The following CRIM1 variants were observed in gnomAD, a reference collection of about 807,000 sequenced individuals.
The protein encoded by CRIM1 is cysteine rich transmembrane BMP regulator 1.
In CRIM1, 32 loss-of-function variants were observed where a neutral mutation model predicts 116.4. The ratio of observed to expected loss-of-function variants is 0.27; its 90% CI spans 0.21 to 0.37. The LOEUF is 0.37. CRIM1 is among the 10% of genes least tolerant of loss of function. The pLI is 1.00. For missense variants in CRIM1, 1,331 were observed against 1,354.8 expected (o/e 0.98, Z 0.28); for synonymous variants, 590 against 509.2 (o/e 1.16, Z -2.13).
At chr2:36,473,360 A>G (rs1572819721) in intron 5 of CRIM1, among the ~76,000 whole-genome samples, 1 of 152,136 alleles carries the variant, frequency 6.6e-6, no homozygotes, top group Admixed American at 6.5e-5. Context: ...TTTTTTTAAA[A>G]ATAGCTTTAG....
intron 2 of CRIM1, among the ~76,000 whole-genome samples, chr2:36,434,866 A>T (rs1675176612): frequency 6.6e-6 from 1 of 152,044 alleles, no homozygotes; most frequent in African/African-American, 2.4e-5. Context: ...TTTGTCTGGA[A>T]CACTCTTGCT....
chr2:36,481,051 C>G (rs1275143603), intron 7 of CRIM1, among the ~76,000 whole-genome samples: 3 of 152,114 alleles, frequency 2.0e-5, no homozygotes, highest in African/African-American at 7.2e-5. Flanking sequence ...ATATTTGGGA[C>G]ACACGGTAAG....
chr2:36,473,342 G>A (rs1678691440), intron 5 of CRIM1, among the ~76,000 whole-genome samples: 1 of 152,098 alleles, frequency 6.6e-6, no homozygotes, highest in Non-Finnish European at 1.5e-5. Flanking sequence ...TCTTCAGCTT[G>A]GGAGTACTTT....
chr2:36,399,596 C>T (rs1672272267), intron 2 of CRIM1, among the ~76,000 whole-genome samples: 1 of 152,042 alleles, frequency 6.6e-6, no homozygotes, highest in Admixed American at 6.6e-5. Context: ...TAAAATGGTA[C>T]TGAAAATAGG....
chr2:36,530,258 G>T (rs534455673), intron 13 of CRIM1, among the ~76,000 whole-genome samples: 6 of 152,218 alleles, frequency 3.9e-5, no homozygotes, highest in African/African-American at 1.4e-4. Flanking sequence ...GTCTGTAAAG[G>T]CCTGGTGAGT....
chr2:36,516,173 T>C (rs1665019119), intron 11 of CRIM1, among the ~76,000 whole-genome samples: 2 of 152,232 alleles, frequency 1.3e-5, no homozygotes, highest in Non-Finnish European at 2.9e-5. Flanking sequence ...TTCATTAGTA[T>C]TGTTGACTCT....
intron 13 of CRIM1, among the ~76,000 whole-genome samples, chr2:36,524,872 T>C (rs1004408786): frequency 2.6e-5 from 4 of 152,320 alleles, no homozygotes; most frequent in African/African-American, 9.6e-5. Flanking sequence ...GATTATACAT[T>C]CTTCATTGGT....
chr2:36,454,446 G>C (rs1317050166), intron 4 of CRIM1, among the ~76,000 whole-genome samples: 1 of 152,142 alleles, frequency 6.6e-6, no homozygotes, highest in Non-Finnish European at 1.5e-5. Context: ...CATCATGGAA[G>C]AAGTGATCGT....
Position 36,465,307 on chromosome 2 carries a change from G to T in CRIM1, c.991+652G>T, listed in dbSNP as rs80287745. 8.9e-3 allele frequency among the ~76,000 whole-genome samples: 1,357 copies of T among 152,250 alleles called. 23 individuals are homozygous for T. Among genetic ancestry groups the T allele is most frequent in the African/African-American group, 0.031 (1,307 of 41,548 alleles). On this transcript the variant is annotated intron_variant, in intron 5 of 16. Coordinates refer to ENST00000280527, the MANE Select transcript of CRIM1 (RefSeq NM_016441.3). ...ATTTGGTGTTTGGTGGCTTGATGTT[G>T]ATTGAGTTTAGGTGCTAGAAGGAAG...
At chr2:36,486,809 A>C (rs1360478306) in intron 7 of CRIM1, among the ~76,000 whole-genome samples, 2 of 152,218 alleles carry the variant, frequency 1.3e-5, no homozygotes, top group African/African-American at 2.4e-5. Context: ...TATGTGAATG[A>C]AAAATATTTA....
At chr2:36,409,099 T>A (rs2148410065) in intron 2 of CRIM1, among the ~76,000 whole-genome samples, 1 of 152,228 alleles carries the variant, frequency 6.6e-6, no homozygotes, top group Admixed American at 6.5e-5. Context: ...GCTGAATGCA[T>A]ACCATCATAC....
In CRIM1 at chr2:36,356,579, T is replaced by G. The variant is rs1210719168; in HGVS notation, c.287T>G (p.Leu96Arg). The G allele has an allele frequency of 6.2e-7, 1 of 1,611,900 alleles. No homozygotes were observed. Among genetic ancestry groups the G allele is most frequent in the Non-Finnish European group, 8.5e-7 (1 of 1,179,762 alleles). Reference sequence around the variant, plus strand: ...CTGCGTTGTGTCATCCGCCCCCCGCTCAATGGCGACTCCCTCACCGAGTAC... The same window carrying G: ...CTGCGTTGTGTCATCCGCCCCCCGCGCAATGGCGACTCCCTCACCGAGTAC... ...RGLRCVIRPP[L>R]NGDSLTEYEA... is the part of the protein sequence containing the mutation. Residue 96 changes from leucine to arginine, a missense_variant, in exon 1 of 17, where the codon CTC becomes CGC. Physicochemically the swap from Leu to Arg is moderately radical, Grantham distance 102 (BLOSUM62 -2). This residue lies in a region of CRIM1 where 690 missense variants were observed against 676.0 expected (regional missense o/e 1.02). Coordinates refer to ENST00000280527, the MANE Select transcript of CRIM1 (RefSeq NM_016441.3). This position sits in a 1 kb window ranked among gnomAD's most constrained non-coding sequence, Gnocchi z 4.3.
intron 7 of CRIM1, among the ~76,000 whole-genome samples, chr2:36,495,699 A>G (rs1422691710): frequency 6.6e-6 from 1 of 152,062 alleles, no homozygotes; most frequent in Non-Finnish European, 1.5e-5. Flanking sequence ...TTTGGAGCTA[A>G]TTATTTAGCA....
intron 1 of CRIM1, among the ~76,000 whole-genome samples, chr2:36,359,560 G>A (rs761761038): frequency 6.6e-6 from 1 of 152,004 alleles, no homozygotes; most frequent in African/African-American, 2.4e-5. Context: ...AAAGTACATT[G>A]AACAAACGGA....
rs1558492391 is a variant in CRIM1 at position 36,356,647 on chromosome 2, C to T, written c.331+24C>T. Reference sequence around the variant, plus strand: ...AGGTACGGCCGCCCGCTGCGGGCCCCCTCCCACCTGGCCTGCGCCGCCCCC... The same window carrying T: ...AGGTACGGCCGCCCGCTGCGGGCCCTCTCCCACCTGGCCTGCGCCGCCCCC... On this transcript the variant is annotated intron_variant, in intron 1 of 16. Transcript: ENST00000280527. This position sits in a 1 kb window ranked among gnomAD's most constrained non-coding sequence, Gnocchi z 4.3. 2 of 1,593,206 alleles carry T rather than the reference C, an allele frequency of 1.3e-6. No homozygotes were observed. Among genetic ancestry groups the T allele is most frequent in the Non-Finnish European group, 1.7e-6 (2 of 1,171,884 alleles).
At chr2:36,526,043 T>C (rs1183107418) in intron 13 of CRIM1, among the ~76,000 whole-genome samples, 2 of 152,204 alleles carry the variant, frequency 1.3e-5, no homozygotes, top group East Asian at 3.9e-4. Context: ...ATTAATAGGA[T>C]TGATGATTAA....
intron 1 of CRIM1, among the ~76,000 whole-genome samples, chr2:36,392,095 T>C (rs1308080833): frequency 6.6e-6 from 1 of 152,178 alleles, no homozygotes; most frequent in South Asian, 2.1e-4. Context: ...ACAGAGCTTG[T>C]CATGAGAAAA....
At chr2:36,386,422 C>T (rs536116450) in intron 1 of CRIM1, among the ~76,000 whole-genome samples, 44 of 152,178 alleles carry the variant, frequency 2.9e-4, no homozygotes, top group South Asian at 2.7e-3. Flanking sequence ...ATAAAACTTG[C>T]GCTAATATTA....
intron 7 of CRIM1, among the ~76,000 whole-genome samples, chr2:36,494,390 T>C (rs1428122543): frequency 1.3e-5 from 2 of 152,204 alleles, no homozygotes; most frequent in Non-Finnish European, 2.9e-5. Context: ...TTTTAGGTTA[T>C]GAAAGAAGTA....
Sources: allele counts gnomAD v4.1 joint callset (sites outside exome capture counted in the v4.1 genomes callset), GRCh38; gene constraint gnomAD v4.1.1; regional missense constraint gnomAD v4.1.1; non-coding constraint Gnocchi (gnomAD v3.1); transcripts MANE v1.5; gene names NCBI Gene and HGNC (gene_info 2026-07-23, HGNC 2026-07-21).